SMURF1: variants seen among roughly 807,000 people sequenced by gnomAD.
The protein encoded by SMURF1 is SMAD specific E3 ubiquitin protein ligase 1.
In SMURF1, 44 loss-of-function variants were observed where a neutral mutation model predicts 98.0. That is an observed-to-expected ratio of 0.45 (90% CI 0.35 to 0.58). The LOEUF is 0.58. SMURF1 is among the 20% of genes least tolerant of loss of function. The pLI is 0.00. For synonymous variants in SMURF1, 396 were observed against 374.9 expected, an observed-to-expected ratio of 1.06 and a Z score of -0.65; for missense variants, 687 against 938.4, an observed-to-expected ratio of 0.73 and a Z score of 3.50.
intron 1 of SMURF1, among the ~76,000 whole-genome samples, chr7:99,077,944 C>T (rs1168302860): frequency 7.2e-5 from 11 of 152,022 alleles, no homozygotes; most frequent in Non-Finnish European, 8.8e-5. Flanking sequence ...TTCTATTACT[C>T]GGTTATTTGC....
At chr7:99,105,437 A>G (rs1797174265) in intron 1 of SMURF1, among the ~76,000 whole-genome samples, 1 of 152,196 alleles carries the variant, frequency 6.6e-6, no homozygotes, top group South Asian at 2.1e-4. Context: ...ACTACTACTA[A>G]TTACTAACAA....
chr7:99,077,945 G>A (rs563910552), intron 1 of SMURF1, among the ~76,000 whole-genome samples: 1 of 152,088 alleles, frequency 6.6e-6, no homozygotes, highest in South Asian at 2.1e-4. Flanking sequence ...TCTATTACTC[G>A]GTTATTTGCT....
At position 99,033,891 on chromosome 7, in the gene SMURF1, C is replaced by T. The variant is rs540405667; in HGVS notation, c.2012-770G>A. The stretch of plus-strand genomic sequence containing the variant: ...CAAAGACGGCTAGCTGACAGGGGTG[C>T]CAGGTGCTGGGAAAGGAGGGCGCAG... On this transcript the variant is annotated intron_variant, in intron 16 of 17. Coordinates refer to ENST00000361368, the MANE Select transcript of SMURF1 (RefSeq NM_181349.3). 7.2e-5 allele frequency among the ~76,000 whole-genome samples: 11 copies of T among 152,344 alleles called. No individual in the cohort carries two copies. In the East Asian group the frequency reaches 1.7e-3, roughly 24 times the overall value.
chr7:99,069,548 C>G lies in SMURF1; in HGVS notation c.56-7711G>C, dbSNP rs140958196. ...CTAATTTTTCAATTTCTTGTAGGGA[C>G]AAGGTCTTACTATGTTGCCCAGGCT... On this transcript the variant is annotated intron_variant, in intron 1 of 17. Coordinates refer to ENST00000361368, the MANE Select transcript of SMURF1 (RefSeq NM_181349.3). Among the ~76,000 whole-genome samples the G allele has an allele frequency of 2.0e-5, 3 of 152,244 alleles. No individual in the cohort carries two copies. In the East Asian group the frequency reaches 5.8e-4, roughly 29 times the overall value.
Position 99,054,853 on chromosome 7 carries a change from G to A in SMURF1, c.416C>T (p.Thr139Ile). Reference sequence around the variant, plus strand: ...GCCGCCGGTTCCTATTCTGTCTCGTGTCTGTAAACTGACTAAAAGAGAAAA... The same window carrying A: ...GCCGCCGGTTCCTATTCTGTCTCGTATCTGTAAACTGACTAAAAGAGAAAA... ...VRGQIVVSLQ[T>I]RDRIGTGGSV... Residue 139 changes from threonine to isoleucine, a missense_variant, in exon 6 of 18, where the codon ACA (threonine) becomes ATA (isoleucine). Around this residue, in one of 2 missense-constraint regions of SMURF1, gnomAD observed 415 missense variants for 508.4 expected, o/e 0.82. Transcript: ENST00000361368. 1 of 1,613,940 alleles carries A rather than the reference G, an allele frequency of 6.2e-7. No individual in the cohort carries two copies. Among genetic ancestry groups the A allele is most frequent in the Non-Finnish European group, 8.5e-7 (1 of 1,179,936 alleles).
Position 99,049,628 on chromosome 7 carries a change from T to C in SMURF1, c.888A>G (p.Ile296Met), listed in dbSNP as rs541278975. The C allele has an allele frequency of 6.2e-6, 10 of 1,614,066 alleles. No homozygotes were observed. The Admixed American group carries it at 1.0e-4, about 16-fold the overall frequency. The change falls in exon 9 of 18, where the codon ATA becomes ATG. Residue 296 changes from isoleucine to methionine, a missense_variant. Physicochemically the swap from Ile to Met is conservative, Grantham distance 10 (BLOSUM62 1). Coordinates refer to ENST00000361368, the MANE Select transcript of SMURF1 (RefSeq NM_181349.3). ...WEVRSTVSGR[I>M]YFVDHNNRTT... is the part of the protein sequence containing the mutation. Reference sequence around the variant, plus strand: ...TTCGGTTATTATGATCTACAAAATATATCCTCCCAGAAACTGTACTTCTGA... The same window carrying C: ...TTCGGTTATTATGATCTACAAAATACATCCTCCCAGAAACTGTACTTCTGA...
chr7:99,119,985 G>A (rs923186091), intron 1 of SMURF1, among the ~76,000 whole-genome samples: 1 of 152,184 alleles, frequency 6.6e-6, no homozygotes, highest in Non-Finnish European at 1.5e-5. Context: ...TCCAGTGCTG[G>A]AGATGGGGCT....
chr7:99,060,566 C>T (rs779260036), intron 3 of SMURF1, 33 bp downstream of exon 3: 1 of 1,512,546 alleles, frequency 6.6e-7, no homozygotes, highest in East Asian at 2.3e-5. Context: ...TTTCCTGCCG[C>T]TCCGCATGGG....
intron 1 of SMURF1, among the ~76,000 whole-genome samples, chr7:99,108,611 C>CAAAAAAAAAAA (rs11458541): frequency 1.7e-5 from 1 of 58,582 alleles, no homozygotes; most frequent in Non-Finnish European, 3.0e-5. Context: ...AACTCTGTCT[C>CAAAAAAAAAAA]AAAAAAAAAA....
At chr7:99,044,762 T>C (rs1333562891) in intron 11 of SMURF1, among the ~76,000 whole-genome samples, 2 of 152,204 alleles carry the variant, frequency 1.3e-5, no homozygotes, top group African/African-American at 4.8e-5. Flanking sequence ...AGTCAGTCTA[T>C]CTTATGTATA....
intron 10 of SMURF1, among the ~76,000 whole-genome samples, chr7:99,046,649 T>G (rs1795588988): frequency 6.7e-6 from 1 of 149,380 alleles, no homozygotes; most frequent in African/African-American, 2.5e-5. Context: ...GGAGAATCGC[T>G]TGAACCTGGG....
intron 6 of SMURF1, among the ~76,000 whole-genome samples, chr7:99,053,391 C>A (rs539058037): frequency 6.6e-6 from 1 of 152,252 alleles, no homozygotes; most frequent in Non-Finnish European, 1.5e-5. Flanking sequence ...TTTATGACTT[C>A]ATCCTTAAAT....
intron 12 of SMURF1, 79 bp downstream of exon 12, chr7:99,042,039 A>G: frequency 8.7e-7 from 1 of 1,143,606 alleles, no homozygotes; most frequent in Non-Finnish European, 1.3e-6. Flanking sequence ...AAATAGACCA[A>G]GGACTGAGAA....
At chr7:99,030,754 G>A (rs1794844789) in intron 17 of SMURF1, 71 bp from the exon 18 acceptor site, 2 of 1,238,840 alleles carry the variant, frequency 1.6e-6, no homozygotes, top group Non-Finnish European at 1.2e-6. Flanking sequence ...GCCAAGGACA[G>A]GCAGTGAGAA....
chr7:99,034,407 G>C (rs780670341), intron 16 of SMURF1, among the ~76,000 whole-genome samples: 1 of 152,186 alleles, frequency 6.6e-6, no homozygotes, highest in Non-Finnish European at 1.5e-5. Flanking sequence ...TTAGCATGTG[G>C]ACCTGCTGTG....
In SMURF1 at chr7:99,030,265, C is replaced by A; in HGVS notation, c.*319G>T. 3.2e-6 allele frequency: 1 copy of A among 313,224 alleles called. No individual in the cohort carries two copies. The highest frequency in any genetic ancestry group is 6.1e-6 in the Non-Finnish European group (1 of 165,024). 19.4% of individuals were successfully genotyped at this position (313,224 alleles called of 1,614,324 possible). On this transcript the variant is annotated 3_prime_UTR_variant, in exon 18 of 18. Coordinates refer to ENST00000361368, the MANE Select transcript of SMURF1 (RefSeq NM_181349.3). ...TGATGCTCCCGTAAAGAGCTCAGGG[C>A]TGTGAGCCTTATCACCACATGGGTT... is the stretch of plus-strand genomic sequence containing the variant.
rs34106810 is a variant in SMURF1, at chr7:99,039,193, C to CAA, written c.1551-670_1551-669dup. ...TGGGTGACAGAGCAAGACTCTGTCT[C>CAA]AAAAAAAAAAAAAAAAAAAAAAAAA... On this transcript the variant is annotated intron_variant, in intron 13 of 17. Transcript: ENST00000361368. Among the ~76,000 whole-genome samples the CAA allele has an allele frequency of 1.3e-3, 77 of 60,470 alleles. 1 individual carries two copies. The highest frequency in any genetic ancestry group is 2.0e-3 in the Non-Finnish European group (57 of 29,046). 39.7% of individuals were successfully genotyped at this position (60,470 alleles called of 152,430 possible).
intron 5 of SMURF1, among the ~76,000 whole-genome samples, chr7:99,055,879 T>C: frequency 6.6e-6 from 1 of 152,096 alleles, no homozygotes; most frequent in East Asian, 1.9e-4. Flanking sequence ...GGCAGGAGAA[T>C]CGCTTAAACG....
intron 13 of SMURF1, among the ~76,000 whole-genome samples, chr7:99,039,745 G>T (rs1038750446): frequency 6.6e-6 from 1 of 152,150 alleles, no homozygotes; most frequent in Non-Finnish European, 1.5e-5. Flanking sequence ...ACAACCAGGA[G>T]CCCCGACTCC....
Sources: allele counts gnomAD v4.1 joint callset (sites outside exome capture counted in the v4.1 genomes callset), GRCh38; gene constraint gnomAD v4.1.1; regional missense constraint gnomAD v4.1.1; transcripts MANE v1.5; gene names NCBI Gene and HGNC (gene_info 2026-07-23, HGNC 2026-07-21).